CNKSR2: variants seen among roughly 807,000 people sequenced by gnomAD.
CNKSR2 encodes the protein CNK homolog protein 2.
In CNKSR2, 14 loss-of-function variants were observed where a neutral mutation model predicts 84.4. The ratio of observed to expected loss-of-function variants is 0.17; its 90% confidence interval spans 0.11 to 0.26. The LOEUF (loss-of-function observed/expected upper bound fraction) is 0.26, where lower values mean the gene tolerates loss of function less well. Among genes scored for constraint, CNKSR2 ranks in the 10% least tolerant of loss-of-function variants. The pLI, the probability that CNKSR2 is intolerant of heterozygous loss-of-function variation, is 1.00. For missense variants in CNKSR2, 485 were observed against 771.2 expected (o/e 0.63, Z 4.40); for synonymous variants, 275 against 277.9 (o/e 0.99, Z 0.10).
intron 3 of CNKSR2, among the ~76,000 whole-genome samples, chrX:21,437,521 G>A (rs1365403228): frequency 9.7e-6 from 1 of 102,580 alleles, no homozygotes; most frequent in Non-Finnish European, 2.0e-5. Context: ...CCAGGTTCAA[G>A]CGATTCTCCT....
chrX:21,600,945 TCTGAAGAAACAGAAC>T (rs2092478259), intron 17 of CNKSR2, among the ~76,000 whole-genome samples: 1 of 112,426 alleles, frequency 8.9e-6, no homozygotes, highest in Non-Finnish European at 1.9e-5. Context: ...GAGCATTTGC[TCTGAAGAAACAGAAC>T]AGCAGGAATA....
chrX:21,477,816 T>G (rs890259866), intron 5 of CNKSR2, among the ~76,000 whole-genome samples: 1 of 112,048 alleles, frequency 8.9e-6, no homozygotes, highest in African/African-American at 3.2e-5. Flanking sequence ...GTGATCATAT[T>G]AATGTTAATA....
At chrX:21,595,653 A>AT (rs1293682435) in intron 17 of CNKSR2, among the ~76,000 whole-genome samples, 2 of 111,926 alleles carry the variant, frequency 1.8e-5, no homozygotes, top group Non-Finnish European at 3.8e-5. Flanking sequence ...AAAAAAGGGG[A>AT]TTTTTTAAGT....
intron 11 of CNKSR2, among the ~76,000 whole-genome samples, chrX:21,544,043 A>G (rs921857512): frequency 2.7e-5 from 3 of 111,815 alleles, no homozygotes; most frequent in Non-Finnish European, 5.6e-5. Context: ...CTTAGATGGT[A>G]TAATAAATGC....
chrX:21,419,601 C>T (rs1158683766), intron 1 of CNKSR2, among the ~76,000 whole-genome samples: 1 of 111,707 alleles, frequency 9.0e-6, no homozygotes, highest in African/African-American at 3.3e-5. Flanking sequence ...GCTGTATCTG[C>T]CTCAGGGAGC....
chrX:21,378,609 A>T, intron 1 of CNKSR2, among the ~76,000 whole-genome samples: 1 of 111,135 alleles, frequency 9.0e-6, no homozygotes, highest in Middle Eastern at 4.7e-3. Context: ...TATTAACTTT[A>T]TTATTAATTT....
At chrX:21,456,219 C>T (rs191884674) in intron 4 of CNKSR2, among the ~76,000 whole-genome samples, 84 of 111,470 alleles carry the variant, frequency 7.5e-4, no homozygotes, top group Non-Finnish European at 1.4e-3. Context: ...GTGTGTGTCT[C>T]TGTGAGGTAA....
intron 5 of CNKSR2, among the ~76,000 whole-genome samples, chrX:21,481,091 G>A (rs1247864376): frequency 9.0e-6 from 1 of 111,571 alleles, no homozygotes; most frequent in African/African-American, 3.3e-5. Context: ...GGAGGTTGTG[G>A]GGGTTAAATT....
At chrX:21,629,983 T>G (rs1448002452) in intron 20 of CNKSR2, among the ~76,000 whole-genome samples, 1 of 111,889 alleles carries the variant, frequency 8.9e-6, no homozygotes, top group East Asian at 2.8e-4. Context: ...AACTGATCAG[T>G]CTTTGAATAA....
chrX:21,470,627 G>A (rs2147143022), intron 4 of CNKSR2, 139 bp from the exon 5 acceptor site: 1 of 314,322 alleles, frequency 3.2e-6, no homozygotes, highest in Non-Finnish European at 5.6e-6. Context: ...TTGGTATGTA[G>A]CATCCTAGAT....
chrX:21,555,280 T>C (rs1377075660), intron 11 of CNKSR2, among the ~76,000 whole-genome samples: 1 of 111,831 alleles, frequency 8.9e-6, no homozygotes, highest in Non-Finnish European at 1.9e-5. Flanking sequence ...ACAAAGTTTA[T>C]ATTTGATTTG....
intron 8 of CNKSR2, among the ~76,000 whole-genome samples, chrX:21,513,027 T>C (rs1319400400): frequency 8.9e-6 from 1 of 112,151 alleles, no homozygotes; most frequent in Non-Finnish European, 1.9e-5. Context: ...AATGAAAATA[T>C]AAATAAAAAG....
At chrX:21,560,174 G>A (rs1192186612) in intron 11 of CNKSR2, among the ~76,000 whole-genome samples, 1 of 111,191 alleles carries the variant, frequency 9.0e-6, no homozygotes, top group Non-Finnish European at 1.9e-5. Flanking sequence ...AAATACAAAA[G>A]GTGGTAGTTC....
intron 13 of CNKSR2, among the ~76,000 whole-genome samples, chrX:21,581,735 G>A (rs2092354382): frequency 8.9e-6 from 1 of 112,138 alleles, no homozygotes; most frequent in Non-Finnish European, 1.9e-5. Context: ...TTCAATTCAT[G>A]CCTTCAACAG....
chrX:21,376,597 T>C (rs754304365), intron 1 of CNKSR2, among the ~76,000 whole-genome samples: 2 of 111,789 alleles, frequency 1.8e-5, no homozygotes, highest in South Asian at 7.5e-4. Context: ...CCACCAATTA[T>C]CCTCACTCTC....
At chrX:21,379,647 T>C (rs969713020) in intron 1 of CNKSR2, among the ~76,000 whole-genome samples, 2 of 112,110 alleles carry the variant, frequency 1.8e-5, no homozygotes, top group African/African-American at 3.2e-5. Context: ...TCCATAGATA[T>C]TATTTTCTCA....
intron 8 of CNKSR2, among the ~76,000 whole-genome samples, chrX:21,514,046 TG>T (rs912167540): frequency 5.4e-5 from 6 of 111,780 alleles, no homozygotes; most frequent in African/African-American, 1.9e-4. Context: ...CCACCATTAA[TG>T]GTGTTTTCTA....
At chrX:21,631,600 T>C (rs972322710) in intron 20 of CNKSR2, among the ~76,000 whole-genome samples, 1 of 112,115 alleles carries the variant, frequency 8.9e-6, no homozygotes, top group Admixed American at 9.5e-5. Context: ...TGTGTTTCTG[T>C]GTATTCTCTC....
intron 11 of CNKSR2, among the ~76,000 whole-genome samples, chrX:21,549,378 A>G (rs1313220083): frequency 1.8e-5 from 2 of 112,055 alleles, no homozygotes; most frequent in Admixed American, 1.9e-4. Context: ...GACCTCTTCA[A>G]GGAGAACTAC....
Sources: allele counts gnomAD v4.1 joint callset (sites outside exome capture counted in the v4.1 genomes callset), GRCh38; gene constraint gnomAD v4.1.1; transcripts MANE v1.5; gene names NCBI Gene and HGNC (gene_info 2026-07-23, HGNC 2026-07-21).